BBS4: variants seen among roughly 807,000 people sequenced by gnomAD.
BBS4 encodes the protein BBSome complex member BBS4.
A neutral mutation model predicts 71.4 loss-of-function variants in BBS4; 58 were observed. That is an observed-to-expected ratio of 0.81 (90% CI 0.66 to 1.01). The LOEUF (loss-of-function observed/expected upper bound fraction) is 1.01. Among genes scored for constraint, BBS4 ranks in the 50% least tolerant of loss-of-function variants. The pLI, the probability that BBS4 is intolerant of heterozygous loss-of-function variation, is 0.00. For synonymous variants in BBS4, 228 were observed against 216.8 expected (o/e 1.05, Z -0.46); for missense variants, 660 against 607.9 (o/e 1.09, Z -0.90).
chr15:72,692,680 C>G (rs6495014), intron 1 of BBS4, among the ~76,000 whole-genome samples: 143,993 of 151,806 alleles, frequency 0.95, 68,783 homozygotes, highest in East Asian at 1. Context: ...GCTGCAACTC[C>G]GCTTCCTGGG....
intron 1 of BBS4, 172 bp downstream of exon 1, chr15:72,686,423 G>C: frequency 6.5e-7 from 1 of 1,534,168 alleles, no homozygotes; most frequent in South Asian, 1.2e-5. Flanking sequence ...GGTCGCCTGG[G>C]GCAAGTCTGG....
chr15:72,737,279 T>C (rs1021601844), intron 15 of BBS4, among the ~76,000 whole-genome samples, 199 bp from the exon 16 acceptor site: 4 of 152,220 alleles, frequency 2.6e-5, no homozygotes, highest in Non-Finnish European at 1.5e-5. Context: ...AGTTGACACG[T>C]AAATATTTTT....
intron 2 of BBS4, among the ~76,000 whole-genome samples, chr15:72,697,382 T>G (rs1334862168): frequency 3.9e-5 from 6 of 152,222 alleles, no homozygotes; most frequent in Non-Finnish European, 7.3e-5. Flanking sequence ...TAGTTCAGGT[T>G]TTTTCAGCTT....
intron 1 of BBS4, among the ~76,000 whole-genome samples, chr15:72,694,243 G>T (rs1165340805): frequency 6.7e-6 from 1 of 148,752 alleles, no homozygotes; most frequent in African/African-American, 2.5e-5. Flanking sequence ...CAGGCCGGGG[G>T]GCGATGGTAC....
chr15:72,695,115 CTTCT>C (rs997854847), intron 1 of BBS4, 58 bp from the exon 2 acceptor site: 6 of 1,179,702 alleles, frequency 5.1e-6, no homozygotes, highest in Middle Eastern at 2.4e-4. Flanking sequence ...TATTTGGATG[CTTCT>C]TTAAGTTAGC....
In BBS4 at chr15:72,737,578, A is replaced by C; in HGVS notation, c.1551A>C (p.Arg517Ser). The change falls in exon 16 of 16, where the codon AGA becomes AGC. Residue 517 changes from arginine (R) to serine (S), a missense_variant. Coordinates refer to ENST00000268057, the MANE Select transcript of BBS4 (RefSeq NM_033028.5). ...CAACTGAAACATCAGAACAAATAAG[A>C]GAGAAATAAGAATAGAATGAATGAC... The part of the protein sequence containing the change: ...SSPTETSEQI[R>S]EK 6.2e-7 allele frequency: 1 copy of C among 1,605,010 alleles called. No homozygotes were observed. The highest frequency in any genetic ancestry group is 1.1e-5 in the South Asian group (1 of 89,110).
At chr15:72,723,657 A>T (rs1332365343) in intron 7 of BBS4, among the ~76,000 whole-genome samples, 1 of 152,232 alleles carries the variant, frequency 6.6e-6, no homozygotes, top group Admixed American at 6.5e-5. Flanking sequence ...AAAAATATGC[A>T]CATTAGCAGT....
At chr15:72,700,759 A>G (rs561022179) in intron 2 of BBS4, among the ~76,000 whole-genome samples, 11 of 152,014 alleles carry the variant, frequency 7.2e-5, no homozygotes, top group Admixed American at 7.2e-4. Flanking sequence ...TCTTTTGATG[A>G]TCAAAAGTTT....
At chr15:72,731,169 A>G in intron 10 of BBS4, 136 bp from the exon 11 acceptor site, 1 of 883,500 alleles carries the variant, frequency 1.1e-6, no homozygotes, top group Non-Finnish European at 1.7e-6. Context: ...TAGGTTGGAT[A>G]TATTTATGTC....
intron 8 of BBS4, among the ~76,000 whole-genome samples, chr15:72,725,931 TC>T (rs1316434492): frequency 3.8e-4 from 6 of 15,694 alleles, no homozygotes; most frequent in African/African-American, 2.1e-3. Context: ...CTTCCCCCTT[TC>T]CCCTTCCCCC....
chr15:72,720,803 T>C (rs1414726616), intron 6 of BBS4, among the ~76,000 whole-genome samples: 1 of 152,242 alleles, frequency 6.6e-6, no homozygotes, highest in Non-Finnish European at 1.5e-5. Flanking sequence ...CTTTGCAGGA[T>C]GTCTGCTGGG....
At chr15:72,737,034 G>C in intron 15 of BBS4, 71 bp downstream of exon 15, 1 of 1,537,360 alleles carries the variant, frequency 6.5e-7, no homozygotes, top group South Asian at 1.1e-5. Flanking sequence ...AGAGATTATA[G>C]CTTTCAGTGA....
In BBS4 at chr15:72,715,322, A is replaced by T. The variant is rs2065448650; in HGVS notation, c.252A>T (p.Gln84His). 2 of 1,613,882 alleles carry T rather than the reference A, an allele frequency of 1.2e-6. No individual in the cohort carries two copies. Among genetic ancestry groups the T allele is most frequent in the Non-Finnish European group, 8.5e-7 (1 of 1,179,782 alleles). ...TATTTCGCCTAGAAGGAAATATCCAAGAATCCCTAGAACTCTTCCAGACAT... is the reference window on the plus strand; with the variant it reads ...TATTTCGCCTAGAAGGAAATATCCATGAATCCCTAGAACTCTTCCAGACAT... ...ALIFRLEGNI[Q>H]ESLELFQTCA... The change falls in exon 5 of 16, where the codon CAA becomes CAT. Residue 84 changes from glutamine to histidine, a missense_variant. By Grantham distance (24) the Gln-to-His change is conservative. Coordinates refer to ENST00000268057, the MANE Select transcript of BBS4 (RefSeq NM_033028.5).
rs796580921 is a variant in BBS4, at chr15:72,710,197, T to TC, written c.156+418_156+419insC. Among the ~76,000 whole-genome samples the TC allele has an allele frequency of 3.2e-3, 187 of 58,804 alleles. 22 individuals are homozygous for TC. Among genetic ancestry groups the TC allele is most frequent in the Middle Eastern group, 6.3e-3 (1 of 160 alleles). 38.6% of individuals were successfully genotyped at this position (58,804 alleles called of 152,430 possible). A position where few individuals can be genotyped will look rare whatever the true frequency, so the allele number is the denominator to read the frequency against. ...GATGAAAAATGGTATTTTGTCGAGT[T>TC]TTTTTTTTTTTTTTTTTTTTTTTGA... On this transcript the variant is annotated intron_variant, in intron 3 of 15. Coordinates refer to ENST00000268057, the MANE Select transcript of BBS4 (RefSeq NM_033028.5).
intron 2 of BBS4, among the ~76,000 whole-genome samples, chr15:72,700,612 T>C (rs74024319): frequency 1.3e-5 from 2 of 152,194 alleles, no homozygotes; most frequent in Non-Finnish European, 2.9e-5. Flanking sequence ...TTTTTGCCTA[T>C]TTTTAAATTT....
In BBS4 at chr15:72,731,359, C is replaced by A. The variant is rs762950416; in HGVS notation, c.766C>A (p.Leu256Ile). The A allele has an allele frequency of 6.2e-7, 1 of 1,614,130 alleles. No individual in the cohort carries two copies. The highest frequency in any genetic ancestry group is 1.1e-5 in the South Asian group (1 of 91,080). The change falls in exon 11 of 16, where the codon CTC becomes ATC. Residue 256 changes from leucine to isoleucine, a missense_variant. Coordinates refer to ENST00000268057, the MANE Select transcript of BBS4 (RefSeq NM_033028.5). ...GACCCACGGGGACTTTGATGTTGCC[C>A]TCACCAAATACAGAGTTGTGGCTTG... ...MQTHGDFDVA[L>I]TKYRVVACAV...
chr15:72,729,243 G>T (rs1308974553), intron 9 of BBS4, among the ~76,000 whole-genome samples: 1 of 76,478 alleles, frequency 1.3e-5, no homozygotes, highest in African/African-American at 5.0e-5. Flanking sequence ...AGGTTGGCCA[G>T]ACTGTTTTTT....
chr15:72,700,474 A>G lies in BBS4; in HGVS notation c.76+5246A>G, dbSNP rs543668515. ...ATTTGTTACTATCAGTCTTTTTCAT[A>G]TTAGACTTGCTGGTGGGTATATTGT... is the stretch of plus-strand genomic sequence containing the variant. On this transcript the variant is annotated intron_variant, in intron 2 of 15. Transcript: ENST00000268057. 2.6e-5 allele frequency among the ~76,000 whole-genome samples: 4 copies of G among 152,290 alleles called. No homozygotes were observed. The South Asian group carries it at 6.2e-4, about 24-fold the overall frequency.
intron 2 of BBS4, among the ~76,000 whole-genome samples, chr15:72,703,646 G>GAATC (rs2065214877): frequency 6.6e-6 from 1 of 152,168 alleles, no homozygotes; most frequent in Non-Finnish European, 1.5e-5. Flanking sequence ...AGGCCCCATA[G>GAATC]AAGGCTGGTA....
Sources: gnomAD v4.1 joint callset for allele counts (sites outside exome capture counted in the v4.1 genomes callset) on GRCh38, gnomAD v4.1.1 for gene constraint, MANE v1.5 for transcripts, NCBI Gene and HGNC (gene_info 2026-07-23, HGNC 2026-07-21) for gene names.